Variants in RALYL observed in about 807,000 individuals in gnomAD.
RALYL encodes the protein RNA-binding Raly-like protein.
RALYL carries 29 observed loss-of-function variants against 35.1 expected under a neutral mutation model. That is an observed-to-expected ratio of 0.83 (90% CI 0.61 to 1.13). The LOEUF is 1.13. Among genes scored for constraint, RALYL ranks in the 50% most tolerant of loss-of-function variants. The probability of loss-of-function intolerance (pLI) is 0.00; values close to 1 mark genes in which losing one functional copy is unlikely to be tolerated. For missense variants in RALYL, 359 were observed against 360.4 expected, an observed-to-expected ratio of 1.00 and a Z score of 0.03; for synonymous variants, 120 against 127.6, an observed-to-expected ratio of 0.94 and a Z score of 0.40.
chr8:84,587,600 C>T (rs1169768195), intron 2 of RALYL, among the ~76,000 whole-genome samples: 2 of 152,044 alleles, frequency 1.3e-5, no homozygotes, highest in Non-Finnish European at 2.9e-5. Context: ...GATCAGAAAA[C>T]CTCTTTTGAT....
rs769158015 is a variant in RALYL at position 84,231,457 on chromosome 8, G to GA, written c.-24+47039dup. The stretch of plus-strand genomic sequence containing the variant: ...ATACTGTTGATGACCTTATAGTACT[G>GA]AAAAAATGGCCATGTTTGTTCTCTG... On this transcript the variant is annotated intron_variant, in intron 1 of 8. Coordinates refer to ENST00000521268, the MANE Select transcript of RALYL (RefSeq NM_173848.7). Among the ~76,000 whole-genome samples, 19 of 152,182 alleles carry GA rather than the reference G, an allele frequency of 1.2e-4. No individual in the cohort carries two copies. The South Asian group carries it at 3.5e-3, about 28-fold the overall frequency.
At chr8:84,739,333 T>A (rs1360008189) in intron 2 of RALYL, among the ~76,000 whole-genome samples, 1 of 151,658 alleles carries the variant, frequency 6.6e-6, no homozygotes, top group Non-Finnish European at 1.5e-5. Context: ...CTTAGCCAAT[T>A]AAAGAGCTTA....
chr8:84,311,090 A>AAAAAAAAAAAAAATATAT (rs1554614840), intron 1 of RALYL, among the ~76,000 whole-genome samples: 1 of 99,764 alleles, frequency 1.0e-5, no homozygotes, highest in African/African-American at 3.6e-5. Flanking sequence ...AAAAAAAAAA[A>AAAAAAAAAAAAAATATAT]ATGTATATTA....
intron 2 of RALYL, among the ~76,000 whole-genome samples, chr8:84,604,972 A>G: frequency 7.2e-6 from 1 of 138,026 alleles, no homozygotes; most frequent in Admixed American, 6.9e-5. Flanking sequence ...TCTGTTCTTC[A>G]AACAATTCTA....
At chr8:84,374,357 T>G (rs1157982248) in intron 1 of RALYL, among the ~76,000 whole-genome samples, 1 of 151,968 alleles carries the variant, frequency 6.6e-6, no homozygotes, top group Non-Finnish European at 1.5e-5. Flanking sequence ...CATAGGTACC[T>G]CTTATTATTT....
chr8:84,293,907 T>G (rs1300459983), intron 1 of RALYL, among the ~76,000 whole-genome samples: 1 of 149,990 alleles, frequency 6.7e-6, no homozygotes, highest in Non-Finnish European at 1.5e-5. Context: ...AAATTCAGTT[T>G]TCTATTTTTC....
chr8:84,659,169 A>G (rs1830459211), intron 2 of RALYL, among the ~76,000 whole-genome samples: 1 of 152,164 alleles, frequency 6.6e-6, no homozygotes, highest in Non-Finnish European at 1.5e-5. Context: ...AGACACTGAG[A>G]TGGAAATAAG....
chr8:84,379,644 A>C (rs751002395), intron 1 of RALYL, among the ~76,000 whole-genome samples: 13 of 151,154 alleles, frequency 8.6e-5, no homozygotes, highest in Non-Finnish European at 1.6e-4. Flanking sequence ...TTCTTCCACT[A>C]AAAAACAAAC....
intron 1 of RALYL, among the ~76,000 whole-genome samples, chr8:84,461,690 A>G (rs1587477530): frequency 6.6e-6 from 1 of 151,916 alleles, no homozygotes; most frequent in East Asian, 1.9e-4. Flanking sequence ...ATGGCAAAAA[A>G]TAATTATTTA....
chr8:84,735,157 C>A (rs1306373696), intron 2 of RALYL, among the ~76,000 whole-genome samples: 5 of 151,608 alleles, frequency 3.3e-5, no homozygotes, highest in African/African-American at 4.8e-5. Context: ...CAGTACCAAG[C>A]CGAATACCCC....
At chr8:84,323,509 T>C (rs904125440) in intron 1 of RALYL, among the ~76,000 whole-genome samples, 1 of 152,052 alleles carries the variant, frequency 6.6e-6, no homozygotes. Flanking sequence ...GATCTCAGTA[T>C]ATGTCCCTTA....
intron 1 of RALYL, among the ~76,000 whole-genome samples, chr8:84,276,957 T>C (rs1490054761): frequency 3.3e-5 from 5 of 152,212 alleles, no homozygotes; most frequent in African/African-American, 4.8e-5. Flanking sequence ...AAACAGATAA[T>C]TTTTTCCCTA....
chr8:84,334,177 C>T lies in RALYL; in HGVS notation c.-24+149753C>T, dbSNP rs566812597. Among the ~76,000 whole-genome samples the T allele has an allele frequency of 3.5e-4, 54 of 152,256 alleles. No homozygotes were observed. In the South Asian group the frequency reaches 0.01, roughly 29 times the overall value. ...GGGATTATAGGTGTGAGCCACCTCA[C>T]CAGGCCATGTTTTAATACCAGGCCG... On this transcript the variant is annotated intron_variant, in intron 1 of 8. Coordinates refer to ENST00000521268, the MANE Select transcript of RALYL (RefSeq NM_173848.7).
intron 3 of RALYL, among the ~76,000 whole-genome samples, chr8:84,777,117 G>A (rs1164718208): frequency 6.6e-6 from 1 of 152,106 alleles, no homozygotes; most frequent in Non-Finnish European, 1.5e-5. Context: ...CTACAAAATT[G>A]GTAGTATATA....
At chr8:84,423,110 C>T (rs2045876373) in intron 1 of RALYL, among the ~76,000 whole-genome samples, 1 of 150,276 alleles carries the variant, frequency 6.7e-6, no homozygotes, top group Non-Finnish European at 1.5e-5. Context: ...TCCTTGTTGA[C>T]TTTCTGTCTC....
At chr8:84,221,201 GTTAA>G (rs1163851108) in intron 1 of RALYL, among the ~76,000 whole-genome samples, 2 of 151,986 alleles carry the variant, frequency 1.3e-5, no homozygotes, top group African/African-American at 4.8e-5. Flanking sequence ...GAGAATATCA[GTTAA>G]TTAATTCCAG....
rs113571306 is a variant in RALYL, at chr8:84,316,857, G to T, written c.-24+132433G>T. Among the ~76,000 whole-genome samples the T allele has an allele frequency of 4.2e-4, 64 of 152,236 alleles. 1 individual carries two copies. Among genetic ancestry groups the T allele is most frequent in the African/African-American group, 1.5e-3 (63 of 41,556 alleles). Reference sequence around the variant, plus strand: ...TTTAAAAAATAAAACATCATTTGAAGTCAGTAGAGAGCTACTGCTTCTTTT... The same window carrying T: ...TTTAAAAAATAAAACATCATTTGAATTCAGTAGAGAGCTACTGCTTCTTTT... On this transcript the variant is annotated intron_variant, in intron 1 of 8. Coordinates refer to ENST00000521268, the MANE Select transcript of RALYL (RefSeq NM_173848.7).
At chr8:84,547,409 G>A (rs1343113033) in intron 2 of RALYL, among the ~76,000 whole-genome samples, 1 of 150,074 alleles carries the variant, frequency 6.7e-6, no homozygotes, top group Non-Finnish European at 1.5e-5. Flanking sequence ...ACGGAGTCTC[G>A]CTCTGTGGCC....
At chr8:84,767,883 C>T (rs1814498636) in intron 2 of RALYL, among the ~76,000 whole-genome samples, 1 of 152,176 alleles carries the variant, frequency 6.6e-6, no homozygotes, top group African/African-American at 2.4e-5. Flanking sequence ...TACTTCTGCA[C>T]AATGACTACA....
Sources: allele counts gnomAD v4.1 joint callset (sites outside exome capture counted in the v4.1 genomes callset), GRCh38; gene constraint gnomAD v4.1.1; transcripts MANE v1.5; gene names NCBI Gene and HGNC (gene_info 2026-07-23, HGNC 2026-07-21).